Variants in FERRY3 observed in about 807,000 individuals in gnomAD.
FERRY3 encodes protein C12orf4.
the FERRY3 span, among the ~76,000 whole-genome samples, chr12:4,495,514 A>C: frequency 6.6e-6 from 1 of 152,230 alleles, no homozygotes; most frequent in Non-Finnish European, 1.5e-5. Flanking sequence ...GAGGACAACT[A>C]ATGTGAACTG....
chr12:4,517,710 C>CAGAGAGAG, the FERRY3 span, among the ~76,000 whole-genome samples: 8 of 132,302 alleles, frequency 6.0e-5, no homozygotes, highest in East Asian at 2.3e-4. Context: ...TATATATAGA[C>CAGAGAGAG]AGAGAGAGAG....
At chr12:4,516,959 T>C in the FERRY3 span, 2 of 1,036,510 alleles carry the variant, frequency 1.9e-6, no homozygotes, top group Non-Finnish European at 2.6e-6. Context: ...GTTTTTAATT[T>C]CCTATCTTCC....
At chr12:4,523,508 A>G in the FERRY3 span, among the ~76,000 whole-genome samples, 1 of 152,242 alleles carries the variant, frequency 6.6e-6, no homozygotes, top group African/African-American at 2.4e-5. Context: ...ACACATGCAC[A>G]TGTACGTTTA....
the FERRY3 span, among the ~76,000 whole-genome samples, chr12:4,501,113 C>G: frequency 6.6e-6 from 1 of 152,186 alleles, no homozygotes; most frequent in Non-Finnish European, 1.5e-5. Context: ...GCCTATCACC[C>G]CATCCACAAT....
At chr12:4,516,513 A>G in the FERRY3 span, among the ~76,000 whole-genome samples, 1 of 152,222 alleles carries the variant, frequency 6.6e-6, no homozygotes, top group Non-Finnish European at 1.5e-5. Context: ...GCACATATAC[A>G]TCATGGAATA....
chr12:4,524,853 T>G, the FERRY3 span: 1 of 158,938 alleles, frequency 6.3e-6, no homozygotes, highest in Non-Finnish European at 1.4e-5. Context: ...CTATGCAGTA[T>G]TATTTTATTT....
At chr12:4,533,800 T>C in the FERRY3 span, among the ~76,000 whole-genome samples, 1 of 152,068 alleles carries the variant, frequency 6.6e-6, no homozygotes, top group East Asian at 1.9e-4. Context: ...TAGTGAACAA[T>C]TTTTTTTAGT....
At chr12:4,519,229 T>A in the FERRY3 span, among the ~76,000 whole-genome samples, 1 of 152,184 alleles carries the variant, frequency 6.6e-6, no homozygotes, top group African/African-American at 2.4e-5. The surrounding 1 kb of genome is among the most constrained non-coding windows in gnomAD (Gnocchi z 4.3). Flanking sequence ...ATATAATACA[T>A]CCTATACCAG....
At chr12:4,534,026 A>G in the FERRY3 span, 2 of 975,778 alleles carry the variant, frequency 2.0e-6, no homozygotes, top group Non-Finnish European at 2.9e-6. Flanking sequence ...AAGCAGCAAC[A>G]TATACATTAT....
chr12:4,538,047 T>C, the FERRY3 span, among the ~76,000 whole-genome samples: 1 of 151,800 alleles, frequency 6.6e-6, no homozygotes, highest in African/African-American at 2.4e-5. Context: ...GAATCAGGAA[T>C]GTTGAAAAAA....
chr12:4,489,824 G>C, the FERRY3 span: 1 of 1,606,046 alleles, frequency 6.2e-7, no homozygotes, highest in Non-Finnish European at 8.5e-7. Context: ...TTGGATGTCA[G>C]AGTGAGTGTT....
At chr12:4,510,141 A>G in the FERRY3 span, among the ~76,000 whole-genome samples, 12 of 139,548 alleles carry the variant, frequency 8.6e-5, no homozygotes, top group Middle Eastern at 3.2e-3. Flanking sequence ...AAGAAAGGGT[A>G]TCAGCAATGG....
At chr12:4,495,191 A>T in the FERRY3 span, among the ~76,000 whole-genome samples, 6 of 152,136 alleles carry the variant, frequency 3.9e-5, no homozygotes, top group Non-Finnish European at 7.4e-5. Context: ...ATCTAATTTC[A>T]TTAAGGACCT....
At chr12:4,498,443 C>T in the FERRY3 span, among the ~76,000 whole-genome samples, 2 of 152,096 alleles carry the variant, frequency 1.3e-5, no homozygotes, top group African/African-American at 4.8e-5. Flanking sequence ...AAATGTTTGT[C>T]CATCTCTCTT....
the FERRY3 span, chr12:4,517,993 T>C: frequency 6.8e-7 from 1 of 1,462,874 alleles, no homozygotes; most frequent in Non-Finnish European, 9.4e-7. Context: ...TGTAATTCCT[T>C]TCTTTGTAAG....
chr12:4,525,690 T>C, the FERRY3 span: 1 of 768,154 alleles, frequency 1.3e-6, no homozygotes, highest in South Asian at 2.0e-5. Context: ...AAATTTATTT[T>C]ATAGAAATGT....
At chr12:4,504,564 AT>A in the FERRY3 span, among the ~76,000 whole-genome samples, 1 of 152,342 alleles carries the variant, frequency 6.6e-6, no homozygotes, top group East Asian at 1.9e-4. Flanking sequence ...TTTTCTTTAT[AT>A]TTAAGTTCAA....
the FERRY3 span, among the ~76,000 whole-genome samples, chr12:4,534,988 AAG>A: frequency 6.6e-6 from 1 of 152,242 alleles, no homozygotes; most frequent in Non-Finnish European, 1.5e-5. Flanking sequence ...TTACATTAAA[AAG>A]AGTTTTCCAT....
chr12:4,498,353 G>C, the FERRY3 span, among the ~76,000 whole-genome samples: 1 of 152,298 alleles, frequency 6.6e-6, no homozygotes, highest in South Asian at 2.1e-4. Context: ...TTTATAGATA[G>C]ACTAGTTAGT....
Sources: gnomAD v4.1 joint callset for allele counts (sites outside exome capture counted in the v4.1 genomes callset) on GRCh38, gnomAD v4.1.1 for gene constraint, Gnocchi (gnomAD v3.1) non-coding constraint, MANE v1.5 for transcripts, NCBI Gene and HGNC (gene_info 2026-07-23, HGNC 2026-07-21) for gene names.